ZC3HAV1: variants seen among roughly 807,000 people sequenced by gnomAD.
ZC3HAV1 encodes zinc finger CCCH-type antiviral protein 1.
ZC3HAV1 carries 41 observed loss-of-function variants against 86.6 expected under a neutral mutation model. The observed-to-expected ratio is 0.47, with a 90% CI of 0.37 to 0.61. The LOEUF is 0.61. Among genes scored for constraint, ZC3HAV1 ranks in the 20% least tolerant of loss-of-function variants. The pLI is 0.00. For missense variants in ZC3HAV1, 964 were observed against 1,141.1 expected, an observed-to-expected ratio of 0.84 and a Z score of 2.24; for synonymous variants, 421 against 432.1, an observed-to-expected ratio of 0.97 and a Z score of 0.32.
rs34388465 is a variant in ZC3HAV1, at chr7:139,094,497, T to TAA, written c.309-4740_309-4739dup. 4.4e-3 allele frequency among the ~76,000 whole-genome samples: 565 copies of TAA among 129,508 alleles called. 4 individuals are homozygous for TAA. Among genetic ancestry groups the TAA allele is most frequent in the African/African-American group, 0.013 (452 of 36,118 alleles). 85.0% of individuals were successfully genotyped at this position (129,508 alleles called of 152,430 possible). A position where few individuals can be genotyped will look rare whatever the true frequency, so the allele number is the denominator to read the frequency against. On this transcript the variant is annotated intron_variant, in intron 1 of 12. Coordinates refer to ENST00000242351, the MANE Select transcript of ZC3HAV1 (RefSeq NM_020119.4). ...CGAGTTGCAGTAGGAGGTGATAACTTAAAAAAAAAAAAAAAAACAGCAAAG... is the reference window on the plus strand; with the variant it reads ...CGAGTTGCAGTAGGAGGTGATAACTTAAAAAAAAAAAAAAAAAAACAGCAAAG...
At chr7:139,098,970 G>A (rs1196843143) in intron 1 of ZC3HAV1, among the ~76,000 whole-genome samples, 1 of 152,120 alleles carries the variant, frequency 6.6e-6, no homozygotes, top group Non-Finnish European at 1.5e-5. Flanking sequence ...TTTAATGGAT[G>A]GAAAAATATA....
chr7:139,075,222 G>C (rs958806744), intron 6 of ZC3HAV1, among the ~76,000 whole-genome samples: 3 of 152,182 alleles, frequency 2.0e-5, no homozygotes, highest in African/African-American at 7.2e-5. Context: ...CAACCAGAAA[G>C]TAGCTCATGT....
intron 8 of ZC3HAV1, among the ~76,000 whole-genome samples, chr7:139,063,469 C>A (rs1397278244): frequency 6.6e-6 from 1 of 151,818 alleles, no homozygotes; most frequent in Non-Finnish European, 1.5e-5. Flanking sequence ...TGCCTGTAAT[C>A]GAAGCATTTT....
At chr7:139,099,240 C>T (rs1817686320) in intron 1 of ZC3HAV1, among the ~76,000 whole-genome samples, 1 of 151,956 alleles carries the variant, frequency 6.6e-6, no homozygotes, top group African/African-American at 2.4e-5. Flanking sequence ...AGGGTGCACC[C>T]TTTTGTGTCA....
In ZC3HAV1 at chr7:139,052,854, A is replaced by G. The variant is rs142345908; in HGVS notation, c.2449+597T>C. On this transcript the variant is annotated intron_variant, in intron 12 of 12. Coordinates refer to ENST00000242351, the MANE Select transcript of ZC3HAV1 (RefSeq NM_020119.4). ...TGAAGTTGTAGGATCACTTGAGCCC[A>G]GGAGGTTGAGGCTGCAGTGAGCCGA... Among the ~76,000 whole-genome samples the G allele has an allele frequency of 5.3e-3, 806 of 151,900 alleles. 4 individuals are homozygous for G. Among genetic ancestry groups the G allele is most frequent in the African/African-American group, 0.018 (754 of 41,398 alleles).
At chr7:139,059,614 CAAA>C (rs57613588) in intron 9 of ZC3HAV1, among the ~76,000 whole-genome samples, 1 of 110,078 alleles carries the variant, frequency 9.1e-6, no homozygotes. Flanking sequence ...AAGACTCTGT[CAAA>C]AAAAAAAAAA....
intron 7 of ZC3HAV1, among the ~76,000 whole-genome samples, chr7:139,067,554 G>A (rs1167208950): frequency 6.6e-6 from 1 of 152,150 alleles, no homozygotes; most frequent in Non-Finnish European, 1.5e-5. Flanking sequence ...TGGAGACTCA[G>A]AAGGATAGGG....
intron 1 of ZC3HAV1, among the ~76,000 whole-genome samples, chr7:139,092,481 C>T (rs1220047046): frequency 6.6e-6 from 1 of 152,238 alleles, no homozygotes; most frequent in African/African-American, 2.4e-5. Flanking sequence ...TTAGCTCCAG[C>T]CCAGACGTCC....
At chr7:139,066,898 G>C (rs1816621440) in intron 7 of ZC3HAV1, among the ~76,000 whole-genome samples, 1 of 152,150 alleles carries the variant, frequency 6.6e-6, no homozygotes, top group African/African-American at 2.4e-5. Context: ...ACATACATGT[G>C]AGTGCCCCAG....
At chr7:139,081,096 G>T (rs917427533) in intron 3 of ZC3HAV1, among the ~76,000 whole-genome samples, 2 of 152,176 alleles carry the variant, frequency 1.3e-5, no homozygotes, top group Non-Finnish European at 2.9e-5. Flanking sequence ...AGGGAGGAAG[G>T]AAGGAGTTAG....
intron 8 of ZC3HAV1, among the ~76,000 whole-genome samples, chr7:139,061,356 A>C (rs1196497982): frequency 2.0e-5 from 3 of 152,230 alleles, no homozygotes; most frequent in African/African-American, 7.2e-5. Context: ...GAGTGAATGA[A>C]TATTCAGGAA....
intron 1 of ZC3HAV1, among the ~76,000 whole-genome samples, chr7:139,097,802 G>C (rs1563140881): frequency 6.6e-6 from 1 of 151,924 alleles, no homozygotes; most frequent in Non-Finnish European, 1.5e-5. Context: ...GGGCTGAAAG[G>C]GCTGGAGGAG....
chr7:139,065,300 A>C (rs1816565882), intron 7 of ZC3HAV1, among the ~76,000 whole-genome samples: 1 of 152,180 alleles, frequency 6.6e-6, no homozygotes, highest in Non-Finnish European at 1.5e-5. Flanking sequence ...AAATATACAG[A>C]GCAACTTGCA....
intron 4 of ZC3HAV1, chr7:139,078,989 C>T: frequency 7.1e-7 from 1 of 1,410,040 alleles, no homozygotes; most frequent in Non-Finnish European, 9.4e-7. Context: ...ATAACCAAAA[C>T]CCTCTAACTC....
At chr7:139,100,285 A>G (rs1817711439) in intron 1 of ZC3HAV1, among the ~76,000 whole-genome samples, 1 of 152,128 alleles carries the variant, frequency 6.6e-6, no homozygotes, top group South Asian at 2.1e-4. Context: ...TAATCCCAGC[A>G]CTTTGGGAGG....
intron 1 of ZC3HAV1, among the ~76,000 whole-genome samples, chr7:139,101,197 C>A (rs1210024090): frequency 1.3e-5 from 2 of 151,866 alleles, no homozygotes; most frequent in Non-Finnish European, 2.9e-5. Flanking sequence ...TAGCTACAAC[C>A]TCCACCTCCC....
At chr7:139,097,814 G>T (rs1034241931) in intron 1 of ZC3HAV1, among the ~76,000 whole-genome samples, 5 of 151,926 alleles carry the variant, frequency 3.3e-5, no homozygotes, top group African/African-American at 7.3e-5. Context: ...CTGGAGGAGT[G>T]GGGGGACTCC....
intron 1 of ZC3HAV1, among the ~76,000 whole-genome samples, chr7:139,097,407 T>A (rs1817621665): frequency 1.3e-5 from 1 of 74,420 alleles, no homozygotes; most frequent in Non-Finnish European, 2.4e-5. Context: ...ACTCCATATA[T>A]ATATATATAT....
rs776880098 is a variant in ZC3HAV1 at position 139,108,983 on chromosome 7, C to T, written c.308+41G>A. 6.7e-7 allele frequency: 1 copy of T among 1,503,548 alleles called. No individual in the cohort carries two copies. The highest frequency in any genetic ancestry group is 1.4e-5 in the African/African-American group (1 of 72,622). 93.1% of individuals were successfully genotyped at this position (1,503,548 alleles called of 1,614,324 possible). Reference sequence around the variant, plus strand: ...TGCCCGCCTGGACAGTCCACCCCGACCACGGCTGCGGACAGCGCCCCTCCC... The same window carrying T: ...TGCCCGCCTGGACAGTCCACCCCGATCACGGCTGCGGACAGCGCCCCTCCC... On this transcript the variant is annotated intron_variant, in intron 1 of 12. Coordinates refer to ENST00000242351, the MANE Select transcript of ZC3HAV1 (RefSeq NM_020119.4). This position sits in a 1 kb window ranked among gnomAD's most constrained non-coding sequence, Gnocchi z 4.2.
Sources: allele counts gnomAD v4.1 joint callset (sites outside exome capture counted in the v4.1 genomes callset), GRCh38; gene constraint gnomAD v4.1.1; non-coding constraint Gnocchi (gnomAD v3.1); transcripts MANE v1.5; gene names NCBI Gene and HGNC (gene_info 2026-07-23, HGNC 2026-07-21).